Variants in DAGLB observed in about 807,000 individuals in gnomAD.
DAGLB encodes the protein diacylglycerol lipase beta.
A neutral mutation model predicts 72.1 loss-of-function variants in DAGLB; 66 were observed. That is an observed-to-expected ratio of 0.92 (90% confidence interval 0.75 to 1.12). DAGLB has a LOEUF of 1.12. Ranked by LOEUF, DAGLB falls within the 50% of genes most tolerant of loss-of-function variation. The pLI, the probability that DAGLB is intolerant of heterozygous loss-of-function variation, is 0.00. For synonymous variants in DAGLB, 414 were observed against 359.5 expected, an observed-to-expected ratio of 1.15 and a Z score of -1.71; for missense variants, 1,065 against 884.9, an observed-to-expected ratio of 1.20 and a Z score of -2.58.
intron 1 of DAGLB, among the ~76,000 whole-genome samples, chr7:6,446,523 G>A (rs1785010339): frequency 1.5e-5 from 2 of 130,818 alleles, no homozygotes; most frequent in Non-Finnish European, 3.3e-5. Context: ...AATAAAAGGA[G>A]TTAATATTTT....
chr7:6,433,337 T>C (rs147031995), intron 4 of DAGLB, among the ~76,000 whole-genome samples: 4 of 152,320 alleles, frequency 2.6e-5, no homozygotes, highest in Non-Finnish European at 5.9e-5. Context: ...TTTCTCAAGA[T>C]GCTGGGAAGG....
At chr7:6,424,153 G>A (rs6944712) in intron 8 of DAGLB, among the ~76,000 whole-genome samples, 12,201 of 152,252 alleles carry the variant, frequency 0.08, 1,155 homozygotes, top group East Asian at 0.52. Flanking sequence ...GAGTGGCCAG[G>A]AGGAAACCGG....
intron 11 of DAGLB, among the ~76,000 whole-genome samples, chr7:6,413,634 GAAAA>G (rs796974610): frequency 1.1e-5 from 1 of 95,112 alleles, no homozygotes. Flanking sequence ...CATCTCAAAA[GAAAA>G]AAAAAAAAAA....
At chr7:6,447,386 G>A (rs939384714) in intron 1 of DAGLB, among the ~76,000 whole-genome samples, 1 of 152,208 alleles carries the variant, frequency 6.6e-6, no homozygotes, top group Non-Finnish European at 1.5e-5. Context: ...CCCGCCTCAA[G>A]AAAGGAGAAC....
At chr7:6,412,757 T>C (rs1192960348) in intron 13 of DAGLB, 54 bp downstream of exon 13, 1 of 1,545,576 alleles carries the variant, frequency 6.5e-7, no homozygotes, top group Non-Finnish European at 8.8e-7. Flanking sequence ...CTCCACAGGA[T>C]CTCAGGGACA....
intron 11 of DAGLB, among the ~76,000 whole-genome samples, chr7:6,415,067 C>T (rs1466422862): frequency 2.8e-5 from 4 of 141,932 alleles, no homozygotes; most frequent in Admixed American, 1.4e-4. Flanking sequence ...AGGCTGAGGC[C>T]GGAAGATCAC....
intron 6 of DAGLB, among the ~76,000 whole-genome samples, chr7:6,426,508 G>A (rs1010085207): frequency 6.6e-6 from 1 of 152,182 alleles, no homozygotes; most frequent in Non-Finnish European, 1.5e-5. Flanking sequence ...GACCTCAGGC[G>A]AACTGCCCGT....
At chr7:6,445,567 G>A (rs1170141971) in intron 2 of DAGLB, 2 of 154,998 alleles carry the variant, frequency 1.3e-5, no homozygotes, top group Non-Finnish European at 2.9e-5. Context: ...CTGGAGTACG[G>A]TGGCATGATC....
At chr7:6,417,169 G>A (rs765999763) in intron 9 of DAGLB, 10 of 450,554 alleles carry the variant, frequency 2.2e-5, no homozygotes, top group South Asian at 1.7e-4. Flanking sequence ...GCCAAGGCAG[G>A]AGGACACTTG....
intron 14 of DAGLB, 34 bp from the exon 15 acceptor site, chr7:6,410,069 G>T (rs974278622): frequency 6.3e-7 from 1 of 1,598,884 alleles, no homozygotes; most frequent in African/African-American, 1.3e-5. Flanking sequence ...CTCCCACGCG[G>T]CCCCAGGGCT....
intron 2 of DAGLB, among the ~76,000 whole-genome samples, chr7:6,441,281 C>T (rs1326413055): frequency 1.1e-4 from 16 of 150,752 alleles, no homozygotes; most frequent in Non-Finnish European, 1.2e-4. Flanking sequence ...TTAGTAGAGA[C>T]GGGGTTTCAC....
At chr7:6,442,740 T>C (rs961152046) in intron 2 of DAGLB, among the ~76,000 whole-genome samples, 1 of 152,108 alleles carries the variant, frequency 6.6e-6, no homozygotes, top group African/African-American at 2.4e-5. Flanking sequence ...TGCGTGGATG[T>C]TTCTAGAGGC....
At chr7:6,412,072 C>G (rs915386677) in intron 13 of DAGLB, among the ~76,000 whole-genome samples, 3 of 151,990 alleles carry the variant, frequency 2.0e-5, no homozygotes, top group African/African-American at 7.3e-5. Flanking sequence ...TCACCACCAC[C>G]CCTGGCTCAT....
At chr7:6,431,509 C>T (rs757177591) in intron 5 of DAGLB, among the ~76,000 whole-genome samples, 2 of 152,194 alleles carry the variant, frequency 1.3e-5, no homozygotes, top group African/African-American at 4.8e-5. Flanking sequence ...CAGTGGCTCA[C>T]GCCTGTAATC....
chr7:6,409,589 T>C lies in DAGLB; in HGVS notation c.*248A>G, dbSNP rs1783647674. ...TCCACGGGCCAGGGCTTCCCGAGGC[T>C]GTCTCCACGGTCGCTGGGTCTCAGG... is the stretch of plus-strand genomic sequence containing the variant. On this transcript the variant is annotated 3_prime_UTR_variant, in exon 15 of 15. Coordinates refer to ENST00000297056, the MANE Select transcript of DAGLB (RefSeq NM_139179.4). The C allele has an allele frequency of 1.3e-5, 7 of 551,704 alleles. No individual in the cohort carries two copies. Among genetic ancestry groups the C allele is most frequent in the Middle Eastern group, 4.8e-4 (1 of 2,084 alleles). 34.2% of individuals were successfully genotyped at this position (551,704 alleles called of 1,614,324 possible). A position where few individuals can be genotyped will look rare whatever the true frequency, so the allele number is the denominator to read the frequency against.
At chr7:6,441,565 C>T (rs1225354111) in intron 2 of DAGLB, among the ~76,000 whole-genome samples, 3 of 150,706 alleles carry the variant, frequency 2.0e-5, no homozygotes, top group Non-Finnish European at 4.4e-5. Flanking sequence ...CTACAGGGGC[C>T]CGCCACCACG....
chr7:6,446,164 C>T, intron 1 of DAGLB, 60 bp from the exon 2 acceptor site: 1 of 1,522,030 alleles, frequency 6.6e-7, no homozygotes, highest in Non-Finnish European at 8.8e-7. Context: ...CTGTGTAGAA[C>T]ATGATACAAA....
intron 7 of DAGLB, 138 bp from the exon 8 acceptor site, chr7:6,424,973 C>T (rs752683373): frequency 6.1e-5 from 47 of 765,406 alleles, no homozygotes; most frequent in Admixed American, 3.5e-4. Context: ...TCTCCACTCA[C>T]GCTCACTACA....
intron 9 of DAGLB, chr7:6,417,815 G>A (rs1013665752): frequency 2.6e-5 from 4 of 152,042 alleles, no homozygotes. Flanking sequence ...TGAGTTTTAG[G>A]GTGGTCAGGT....
Sources: allele counts gnomAD v4.1 joint callset (sites outside exome capture counted in the v4.1 genomes callset), GRCh38; gene constraint gnomAD v4.1.1; transcripts MANE v1.5; gene names NCBI Gene and HGNC (gene_info 2026-07-23, HGNC 2026-07-21).